ROBO1: variants seen among roughly 807,000 people sequenced by gnomAD.
The protein encoded by ROBO1 is roundabout guidance receptor 1.
In ROBO1, 149 loss-of-function variants were observed where a neutral mutation model predicts 195.9. That is an observed-to-expected ratio of 0.76 (90% CI 0.67 to 0.87). ROBO1 has a LOEUF of 0.87. Ranked by LOEUF, ROBO1 falls within the 40% of genes least tolerant of loss-of-function variation. ROBO1 has a pLI of 0.00. For missense variants in ROBO1, 1,933 were observed against 2,068.3 expected (o/e 0.93, Z 1.27); for synonymous variants, 816 against 733.2 (o/e 1.11, Z -1.82).
intron 2 of ROBO1, among the ~76,000 whole-genome samples, chr3:79,514,785 A>G (rs1430232398): frequency 1.3e-5 from 2 of 152,232 alleles, no homozygotes; most frequent in East Asian, 3.8e-4. Flanking sequence ...CACAGACACT[A>G]AAATGAACAC....
intron 2 of ROBO1, among the ~76,000 whole-genome samples, chr3:79,277,180 T>C (rs139757396): frequency 6.6e-6 from 1 of 152,212 alleles, no homozygotes; most frequent in African/African-American, 2.4e-5. Context: ...ATGTGTATTG[T>C]AGCACTATTC....
chr3:79,583,778 G>A (rs1240699746), intron 2 of ROBO1, among the ~76,000 whole-genome samples: 1 of 151,820 alleles, frequency 6.6e-6, no homozygotes, highest in Non-Finnish European at 1.5e-5. Context: ...TGATCACAAC[G>A]ATGAACTATG....
intron 3 of ROBO1, among the ~76,000 whole-genome samples, chr3:78,967,926 C>T (rs2076682857): frequency 6.6e-6 from 1 of 152,118 alleles, no homozygotes; most frequent in Non-Finnish European, 1.5e-5. Context: ...GGTTTACTTG[C>T]TCTCATCTTC....
At chr3:78,945,441 G>A (rs1200611926) in intron 3 of ROBO1, among the ~76,000 whole-genome samples, 1 of 152,130 alleles carries the variant, frequency 6.6e-6, no homozygotes, top group Non-Finnish European at 1.5e-5. Flanking sequence ...AACTCTAACA[G>A]ACCTGCAGCT....
At chr3:78,630,992 C>G (rs980995588) in intron 25 of ROBO1, among the ~76,000 whole-genome samples, 169 bp downstream of exon 25, 4 of 152,110 alleles carry the variant, frequency 2.6e-5, no homozygotes, top group African/African-American at 9.7e-5. Context: ...TTTTTGGAAG[C>G]AGCAAGGAGA....
At chr3:79,723,217 T>TAAA (rs1702777290) in intron 1 of ROBO1, among the ~76,000 whole-genome samples, 1 of 152,140 alleles carries the variant, frequency 6.6e-6, no homozygotes, top group Admixed American at 6.6e-5. Flanking sequence ...TGCCCTTACT[T>TAAA]ATGACCTGAA....
intron 3 of ROBO1, among the ~76,000 whole-genome samples, chr3:79,109,710 G>C (rs796506505): frequency 1.3e-5 from 2 of 152,098 alleles, no homozygotes; most frequent in African/African-American, 4.8e-5. Flanking sequence ...AATAGCACTA[G>C]AATTAAAATT....
At chr3:79,500,255 G>C (rs1238264359) in intron 2 of ROBO1, among the ~76,000 whole-genome samples, 1 of 150,604 alleles carries the variant, frequency 6.6e-6, no homozygotes, top group Non-Finnish European at 1.5e-5. Flanking sequence ...TCAGTCTCCG[G>C]AATAGCTGGG....
chr3:79,613,400 A>G (rs924977683), intron 1 of ROBO1, among the ~76,000 whole-genome samples: 1 of 152,100 alleles, frequency 6.6e-6, no homozygotes, highest in Non-Finnish European at 1.5e-5. Context: ...GAAAGAAAGA[A>G]GTATAACTAA....
At chr3:79,714,194 A>G (rs1256691571) in intron 1 of ROBO1, among the ~76,000 whole-genome samples, 1 of 152,194 alleles carries the variant, frequency 6.6e-6, no homozygotes, top group Non-Finnish European at 1.5e-5. Context: ...GAAGGATATG[A>G]ACAGACACTT....
chr3:79,024,008 CCAGGG>C (rs1487269498), intron 3 of ROBO1, among the ~76,000 whole-genome samples: 1 of 151,980 alleles, frequency 6.6e-6, no homozygotes, highest in Non-Finnish European at 1.5e-5. Context: ...CCGCGCCTGG[CCAGGG>C]CCAATATTTT....
chr3:79,752,926 C>G (rs574010434), intron 1 of ROBO1, among the ~76,000 whole-genome samples: 1 of 151,914 alleles, frequency 6.6e-6, no homozygotes, highest in African/African-American at 2.4e-5. Flanking sequence ...TTTAAAAGAC[C>G]GGAGGCAGTA....
chr3:79,525,261 T>C (rs913965034), intron 2 of ROBO1, among the ~76,000 whole-genome samples: 17 of 150,412 alleles, frequency 1.1e-4, no homozygotes, highest in Non-Finnish European at 2.4e-4. Flanking sequence ...ATGTATAATG[T>C]CTGTATAATT....
intron 2 of ROBO1, among the ~76,000 whole-genome samples, chr3:79,479,533 C>A (rs542136455): frequency 1.5e-3 from 228 of 152,140 alleles, no homozygotes; most frequent in Non-Finnish European, 2.8e-3. Flanking sequence ...CCCTGATCTA[C>A]AATAGGAGCG....
chr3:78,954,970 T>G (rs1049280682), intron 3 of ROBO1, among the ~76,000 whole-genome samples: 4 of 151,788 alleles, frequency 2.6e-5, no homozygotes, highest in Non-Finnish European at 5.9e-5. Flanking sequence ...TTTTTTTACT[T>G]TTATGTTCAG....
intron 1 of ROBO1, among the ~76,000 whole-genome samples, chr3:79,696,479 C>T (rs1947452811): frequency 6.7e-6 from 1 of 149,232 alleles, no homozygotes; most frequent in Non-Finnish European, 1.5e-5. Context: ...TATACACACA[C>T]AGGTATATAT....
intron 8 of ROBO1, among the ~76,000 whole-genome samples, chr3:78,689,414 G>A (rs1327025595): frequency 6.6e-6 from 1 of 151,872 alleles, no homozygotes; most frequent in Non-Finnish European, 1.5e-5. Context: ...GATTTAAACC[G>A]ATTTAAATGG....
At chr3:79,480,329 T>C (rs2107373995) in intron 2 of ROBO1, among the ~76,000 whole-genome samples, 1 of 152,324 alleles carries the variant, frequency 6.6e-6, no homozygotes, top group Admixed American at 6.5e-5. Flanking sequence ...AATATATTAT[T>C]CAAATGAATT....
intron 3 of ROBO1, among the ~76,000 whole-genome samples, chr3:79,041,598 T>C (rs1198019296): frequency 2.0e-4 from 31 of 152,192 alleles, no homozygotes; most frequent in Admixed American, 1.8e-3. Flanking sequence ...GAGTGGAAGA[T>C]ATAAGTAAAA....
Sources: gnomAD v4.1 joint callset for allele counts (sites outside exome capture counted in the v4.1 genomes callset) on GRCh38, gnomAD v4.1.1 for gene constraint, MANE v1.5 for transcripts, NCBI Gene and HGNC (gene_info 2026-07-23, HGNC 2026-07-21) for gene names.